The following MPPED2 variants were observed in gnomAD, a reference collection of about 807,000 sequenced individuals.
MPPED2 encodes the protein metallophosphoesterase MPPED2.
MPPED2 carries 5 observed loss-of-function variants against 33.0 expected under a neutral mutation model. That is an observed-to-expected ratio of 0.15 (90% CI 0.08 to 0.32). MPPED2 has a LOEUF of 0.32. Among genes scored for constraint, MPPED2 ranks in the 10% least tolerant of loss-of-function variants. MPPED2 has a pLI of 1.00. For synonymous variants in MPPED2, 136 were observed against 141.9 expected, an observed-to-expected ratio of 0.96 and a Z score of 0.29; for missense variants, 275 against 372.1, an observed-to-expected ratio of 0.74 and a Z score of 2.15.
intron 4 of MPPED2, among the ~76,000 whole-genome samples, chr11:30,421,499 G>A (rs969922529): frequency 6.6e-6 from 1 of 151,828 alleles, no homozygotes; most frequent in Non-Finnish European, 1.5e-5. Context: ...CATTTATCAT[G>A]GCCTTGATGT....
At chr11:30,569,890 G>C (rs1240639438) in intron 2 of MPPED2, among the ~76,000 whole-genome samples, 1 of 152,136 alleles carries the variant, frequency 6.6e-6, no homozygotes, top group Non-Finnish European at 1.5e-5. Context: ...TAGGGATGCT[G>C]ACCTGCTCCC....
chr11:30,493,529 G>C (rs1012406766), intron 4 of MPPED2, among the ~76,000 whole-genome samples: 20 of 151,898 alleles, frequency 1.3e-4, no homozygotes, highest in African/African-American at 3.1e-4. Context: ...TGTATTAAGT[G>C]AGTAAAGGTG....
intron 4 of MPPED2, among the ~76,000 whole-genome samples, chr11:30,494,882 C>G (rs1242944889): frequency 6.6e-6 from 1 of 151,468 alleles, no homozygotes; most frequent in African/African-American, 2.4e-5. Context: ...TGATTTATAT[C>G]ATATTTACAT....
At chr11:30,384,818 G>A (rs992601046) in exon 7 of MPPED2, 1 of 152,140 alleles carries the variant, frequency 6.6e-6, no homozygotes, top group Non-Finnish European at 1.5e-5. Context: ...ATGAAACTGA[G>A]ACTTGAAAGA....
At chr11:30,432,893 T>A (rs1027975859) in intron 4 of MPPED2, among the ~76,000 whole-genome samples, 27 of 152,152 alleles carry the variant, frequency 1.8e-4, no homozygotes, top group African/African-American at 6.5e-4. Context: ...CCCAGGCAAG[T>A]CCCCAGGAGC....
chr11:30,447,575 A>G (rs1949866244), intron 4 of MPPED2, among the ~76,000 whole-genome samples: 1 of 152,204 alleles, frequency 6.6e-6, no homozygotes, highest in African/African-American at 2.4e-5. Context: ...AAGAAGCGGC[A>G]GCAACCAGAA....
At chr11:30,518,545 T>C (rs1400966777) in intron 3 of MPPED2, among the ~76,000 whole-genome samples, 3 of 152,220 alleles carry the variant, frequency 2.0e-5, no homozygotes, top group African/African-American at 7.2e-5. Context: ...TGCTGACCTA[T>C]AATCACTGTG....
chr11:30,394,441 CA>C (rs778988359), intron 6 of MPPED2, among the ~76,000 whole-genome samples: 2 of 152,044 alleles, frequency 1.3e-5, no homozygotes, highest in African/African-American at 2.4e-5. Context: ...TTGATATTAT[CA>C]GGCTTTTTTT....
chr11:30,570,115 C>T (rs936789075), intron 2 of MPPED2, among the ~76,000 whole-genome samples: 3 of 152,062 alleles, frequency 2.0e-5, no homozygotes, highest in South Asian at 2.1e-4. Context: ...AACAAAATAG[C>T]GTAGACTGGG....
chr11:30,401,193 T>C (rs1051440286), intron 6 of MPPED2, among the ~76,000 whole-genome samples: 2 of 152,220 alleles, frequency 1.3e-5, no homozygotes, highest in Non-Finnish European at 2.9e-5. Context: ...CTGTGTGTTA[T>C]AGGATAGCAG....
chr11:30,488,946 G>A (rs1244629142), intron 4 of MPPED2, among the ~76,000 whole-genome samples: 5 of 152,022 alleles, frequency 3.3e-5, no homozygotes, highest in Admixed American at 2.6e-4. Flanking sequence ...TGAAAACGTC[G>A]TACAGAACCA....
chr11:30,426,941 A>T (rs1332344218), intron 4 of MPPED2, among the ~76,000 whole-genome samples: 2 of 152,106 alleles, frequency 1.3e-5, no homozygotes, highest in Non-Finnish European at 2.9e-5. Flanking sequence ...AAAAACCCAC[A>T]TCCTACCAGA....
chr11:30,555,281 G>A lies in MPPED2; in HGVS notation c.129-19106C>T, dbSNP rs183824067. 2.0e-5 allele frequency among the ~76,000 whole-genome samples: 3 copies of A among 152,188 alleles called. No homozygotes were observed. The East Asian group carries it at 5.8e-4, about 29-fold the overall frequency. On this transcript the variant is annotated intron_variant, in intron 2 of 6. Coordinates refer to ENST00000358117, the MANE Select transcript of MPPED2 (RefSeq NM_001584.3). Reference sequence around the variant, plus strand: ...AAGATACCCCAAATCACAGATTTGTGGCACCAGAAAGCAGTTTTAGAAACT... The same window carrying A: ...AAGATACCCCAAATCACAGATTTGTAGCACCAGAAAGCAGTTTTAGAAACT...
downstream of MPPED2, among the ~76,000 whole-genome samples, chr11:30,384,249 CTG>C (rs1947676647): frequency 6.6e-6 from 1 of 152,122 alleles, no homozygotes; most frequent in African/African-American, 2.4e-5. Context: ...TGCTTCTACT[CTG>C]TAATGTTATG....
At chr11:30,548,267 G>A (rs1383135445) in intron 2 of MPPED2, among the ~76,000 whole-genome samples, 2 of 151,660 alleles carry the variant, frequency 1.3e-5, no homozygotes, top group African/African-American at 4.8e-5. Flanking sequence ...AGCCTGGAGT[G>A]TAAAGGTGCG....
At chr11:30,456,743 G>C (rs765417515) in intron 4 of MPPED2, among the ~76,000 whole-genome samples, 1 of 152,104 alleles carries the variant, frequency 6.6e-6, no homozygotes, top group Non-Finnish European at 1.5e-5. Context: ...TTTCTCATGG[G>C]TACAGAATAT....
chr11:30,412,164 C>T (rs1043549661), intron 6 of MPPED2, among the ~76,000 whole-genome samples: 16 of 150,880 alleles, frequency 1.1e-4, no homozygotes, highest in African/African-American at 3.9e-4. Context: ...CCATTTCATT[C>T]AAAAGTGTCA....
chr11:30,415,482 G>A (rs576302826), intron 5 of MPPED2, among the ~76,000 whole-genome samples: 11 of 152,276 alleles, frequency 7.2e-5, no homozygotes, highest in East Asian at 1.9e-4. Context: ...GAAGTCTCAC[G>A]GCACTGTGGC....
intron 3 of MPPED2, among the ~76,000 whole-genome samples, chr11:30,524,710 A>T (rs972344708): frequency 6.6e-6 from 1 of 152,230 alleles, no homozygotes; most frequent in Non-Finnish European, 1.5e-5. Context: ...AAAGACACTC[A>T]GGAAGTGAAA....
Sources: gnomAD v4.1 joint callset for allele counts (sites outside exome capture counted in the v4.1 genomes callset) on GRCh38, gnomAD v4.1.1 for gene constraint, MANE v1.5 for transcripts, NCBI Gene and HGNC (gene_info 2026-07-23, HGNC 2026-07-21) for gene names.